Variants in ZC3H13 observed in about 807,000 individuals in gnomAD.
The protein encoded by ZC3H13 is zinc finger CCCH-type containing 13.
Under a neutral mutation model 204.1 loss-of-function variants are expected in ZC3H13, and 64 were observed. The observed-to-expected ratio is 0.31, with a 90% CI of 0.26 to 0.39. The LOEUF (loss-of-function observed/expected upper bound fraction) is 0.39, where lower values mean the gene tolerates loss of function less well. Ranked by LOEUF, ZC3H13 falls within the 10% of genes least tolerant of loss-of-function variation. ZC3H13 has a pLI of 1.00. For synonymous variants in ZC3H13, 667 were observed against 693.7 expected (o/e 0.96, Z 0.60); for missense variants, 1,833 against 2,082.7 (o/e 0.88, Z 2.33).
At chr13:45,992,478 T>C (rs1278772735) in intron 8 of ZC3H13, among the ~76,000 whole-genome samples, 1 of 152,230 alleles carries the variant, frequency 6.6e-6, no homozygotes, top group African/African-American at 2.4e-5. Context: ...AATGTCATGG[T>C]TAATTTTATG....
At chr13:46,048,009 C>A (rs1253187208) in intron 1 of ZC3H13, among the ~76,000 whole-genome samples, 1 of 152,192 alleles carries the variant, frequency 6.6e-6, no homozygotes, top group African/African-American at 2.4e-5. Context: ...CTACCCCCAA[C>A]ATGCCTCCAC....
chr13:45,957,511 C>T (rs1037874266), intron 18 of ZC3H13, among the ~76,000 whole-genome samples: 1 of 152,170 alleles, frequency 6.6e-6, no homozygotes, highest in Non-Finnish European at 1.5e-5. Context: ...CTAGTTTAAC[C>T]TCTTGCTTAA....
intron 8 of ZC3H13, among the ~76,000 whole-genome samples, chr13:46,001,948 G>C (rs1386936713): frequency 6.7e-6 from 1 of 148,376 alleles, no homozygotes; most frequent in East Asian, 2.0e-4. Context: ...AATTAACAGA[G>C]TGAAAAAAAA....
At chr13:45,972,703 C>T (rs1392591417) in intron 12 of ZC3H13, among the ~76,000 whole-genome samples, 4 of 152,188 alleles carry the variant, frequency 2.6e-5, no homozygotes, top group Admixed American at 2.6e-4. Context: ...AGCTTGTGTA[C>T]TACTTTATCC....
At chr13:45,972,057 T>A (rs1245460524) in intron 12 of ZC3H13, among the ~76,000 whole-genome samples, 1 of 152,028 alleles carries the variant, frequency 6.6e-6, no homozygotes, top group African/African-American at 2.4e-5. Context: ...CTGGTGGGTA[T>A]GTAAATAAGT....
In ZC3H13 at chr13:46,052,284, A is replaced by C. The variant is rs985791178; in HGVS notation, c.-10+120T>G. 69 of 368,090 alleles carry C rather than the reference A, an allele frequency of 1.9e-4. 1 individual carries two copies. The highest frequency in any genetic ancestry group is 3.4e-5 in the Non-Finnish European group (7 of 207,572). The allele number at this position is 368,090 out of a possible 1,614,324, so 22.8% of individuals were successfully genotyped here. On this transcript the variant is annotated intron_variant, in intron 1 of 18. Transcript: ENST00000679008. ...TTGCAGAGTTAAGGGTGGGATGCTCAAGGAAAGCTCAAAATCCCAGTGACT... is the reference window on the plus strand; with the variant it reads ...TTGCAGAGTTAAGGGTGGGATGCTCCAGGAAAGCTCAAAATCCCAGTGACT...
intron 4 of ZC3H13, among the ~76,000 whole-genome samples, chr13:46,032,601 T>C (rs2042970401): frequency 6.6e-6 from 1 of 152,178 alleles, no homozygotes; most frequent in Non-Finnish European, 1.5e-5. Flanking sequence ...TGTAGTAAGA[T>C]TATGTAGGCA....
intron 8 of ZC3H13, chr13:46,001,217 T>G (rs1010029563): frequency 2.0e-5 from 3 of 152,148 alleles, no homozygotes; most frequent in Non-Finnish European, 4.4e-5. Flanking sequence ...CCACAAACCT[T>G]CCATTTGTAA....
rs1309281770 is a variant in ZC3H13 at position 45,964,039 on chromosome 13, G to C, written c.4478C>G (p.Pro1493Arg). The C allele has an allele frequency of 3.1e-6, 5 of 1,607,520 alleles. No individual in the cohort carries two copies. The highest frequency in any genetic ancestry group is 4.2e-6 in the Non-Finnish European group (5 of 1,178,190). ...CCAATCCACATCTATCACATCTAAGGGATCTGTAAAAAGTTAAAAAGTAAG... is the reference window on the plus strand; with the variant it reads ...CCAATCCACATCTATCACATCTAAGCGATCTGTAAAAAGTTAAAAAGTAAG... ...DQQDEEKMPD[P>R]LDVIDVDWSG... The change falls in exon 17 of 19, where the codon CCC becomes CGC. Residue 1493 changes from proline to arginine, a missense_variant. Around this residue, in one of 5 missense-constraint regions of ZC3H13, gnomAD observed 211 missense variants for 228.4 expected, o/e 0.92. Coordinates refer to ENST00000679008, the MANE Select transcript of ZC3H13 (RefSeq NM_001330564.2).
intron 4 of ZC3H13, 62 bp from the exon 5 acceptor site, chr13:46,020,619 T>A: frequency 9.2e-7 from 1 of 1,081,472 alleles, no homozygotes; most frequent in Non-Finnish European, 1.3e-6. Context: ...GGTAGTTTAT[T>A]GTAATAAGAG....
chr13:46,037,314 T>C (rs188233180), intron 4 of ZC3H13, among the ~76,000 whole-genome samples: 1 of 152,292 alleles, frequency 6.6e-6, no homozygotes, highest in East Asian at 1.9e-4. Context: ...AGGTAAGCAA[T>C]ACTCATAGGG....
chr13:46,026,478 A>G (rs549458781), intron 4 of ZC3H13, among the ~76,000 whole-genome samples: 9 of 152,206 alleles, frequency 5.9e-5, no homozygotes, highest in African/African-American at 2.2e-4. Context: ...ATATATATTT[A>G]TAGAACCTAA....
chr13:45,965,401 T>C lies in ZC3H13; in HGVS notation c.4353A>G (p.Ala1451=). The C allele has an allele frequency of 6.2e-7, 1 of 1,613,638 alleles. No individual in the cohort carries two copies. The highest frequency in any genetic ancestry group is 8.5e-7 in the Non-Finnish European group (1 of 1,179,738). The change falls in exon 16 of 19, where the codon GCA becomes GCG. Residue 1451 remains alanine, a synonymous_variant. Coordinates refer to ENST00000679008, the MANE Select transcript of ZC3H13 (RefSeq NM_001330564.2). ...AGDDESKLDD[A]HSLGSGAGEG... Reference sequence around the variant, plus strand: ...CTCCAGCACCAGAGCCTAATGAATGTGCATCATCTAACTTGGACTCGTCAT... The same window carrying C: ...CTCCAGCACCAGAGCCTAATGAATGCGCATCATCTAACTTGGACTCGTCAT...
At chr13:46,020,598 A>T in intron 4 of ZC3H13, 41 bp from the exon 5 acceptor site, 2 of 1,300,882 alleles carry the variant, frequency 1.5e-6, no homozygotes, top group Non-Finnish European at 2.1e-6. Flanking sequence ...CTATATTTTT[A>T]AAAATTATGA....
intron 4 of ZC3H13, among the ~76,000 whole-genome samples, chr13:46,041,960 C>T (rs2043616603): frequency 6.6e-6 from 1 of 152,040 alleles, no homozygotes; most frequent in South Asian, 2.1e-4. Flanking sequence ...CCAACTAATC[C>T]CTTTCATCTT....
intron 9 of ZC3H13, among the ~76,000 whole-genome samples, chr13:45,988,393 G>T (rs1199970692): frequency 6.6e-6 from 1 of 152,132 alleles, no homozygotes; most frequent in Non-Finnish European, 1.5e-5. Context: ...GAGTAGCTAG[G>T]ACTACAGGTG....
At chr13:46,049,527 C>T (rs17600555) in intron 1 of ZC3H13, among the ~76,000 whole-genome samples, 41,531 of 152,068 alleles carry the variant, frequency 0.27, 6,149 homozygotes, top group South Asian at 0.33. Flanking sequence ...ATGCTTCATG[C>T]TTGTAAAGAA....
chr13:46,013,382 C>G (rs2041702139), intron 5 of ZC3H13, among the ~76,000 whole-genome samples: 1 of 151,570 alleles, frequency 6.6e-6, no homozygotes, highest in Non-Finnish European at 1.5e-5. Context: ...CCACTGCACT[C>G]CAGCCTGACA....
At chr13:46,024,956 C>A (rs944064659) in intron 4 of ZC3H13, among the ~76,000 whole-genome samples, 2 of 152,168 alleles carry the variant, frequency 1.3e-5, no homozygotes, top group African/African-American at 4.8e-5. Flanking sequence ...CTAACAGTTT[C>A]TGAGCTTCCT....
Sources: allele counts gnomAD v4.1 joint callset (sites outside exome capture counted in the v4.1 genomes callset), GRCh38; gene constraint gnomAD v4.1.1; regional missense constraint gnomAD v4.1.1; transcripts MANE v1.5; gene names NCBI Gene and HGNC (gene_info 2026-07-23, HGNC 2026-07-21).